PPP1R21: variants seen among roughly 807,000 people sequenced by gnomAD.
PPP1R21 encodes the protein protein phosphatase 1 regulatory subunit 21.
Under a neutral mutation model 112.8 loss-of-function variants are expected in PPP1R21, and 85 were observed. The ratio of observed to expected loss-of-function variants is 0.75; its 90% CI spans 0.63 to 0.90. PPP1R21 has a LOEUF of 0.90. PPP1R21 is among the 40% of genes least tolerant of loss of function. The pLI is 0.00. For synonymous variants in PPP1R21, 381 were observed against 322.3 expected (o/e 1.18, Z -1.95); for missense variants, 1,199 against 901.5 (o/e 1.33, Z -4.23).
In PPP1R21 at chr2:48,460,030, T is replaced by C. The variant is rs116872590; in HGVS notation, c.541-65T>C. 37 of 1,602,882 alleles carry C rather than the reference T, an allele frequency of 2.3e-5. No individual in the cohort carries two copies. In the East Asian group the frequency reaches 8.1e-4, roughly 35 times the overall value. ...GGTGAGACTTTTGCCTGCAGGGTCT[T>C]ACTAAGTGTGCTCCTATCTGTCGTA... is the stretch of plus-strand genomic sequence containing the variant. On this transcript the variant is annotated intron_variant, in intron 5 of 21. Transcript: ENST00000294952.
chr2:48,508,200 T>G (rs137976612), intron 19 of PPP1R21, among the ~76,000 whole-genome samples: 10 of 151,918 alleles, frequency 6.6e-5, no homozygotes, highest in African/African-American at 2.4e-4. Context: ...AAACAAATGG[T>G]AAGGTAGAAT....
Position 48,465,009 on chromosome 2 carries a change from T to C in PPP1R21, c.747+20T>C. The stretch of plus-strand genomic sequence containing the variant: ...CACCAGGTAAAGGATGAAGTACATG[T>C]TTTTATTTTCAGTTATATATACATC... On this transcript the variant is annotated intron_variant, in intron 8 of 21. Transcript: ENST00000294952. 2.6e-6 allele frequency: 4 copies of C among 1,552,988 alleles called. No homozygotes were observed. Among genetic ancestry groups the C allele is most frequent in the Non-Finnish European group, 3.5e-6 (4 of 1,157,554 alleles).
chr2:48,465,680 C>A (rs1004700996), intron 9 of PPP1R21, 38 bp downstream of exon 9: 4 of 1,579,570 alleles, frequency 2.5e-6, no homozygotes, highest in African/African-American at 1.4e-5. Context: ...TTGCCCTGAA[C>A]AAAATAGGGA....
In PPP1R21 at chr2:48,471,386, C is replaced by T. The variant is rs368622989; in HGVS notation, c.1088+19C>T. 6.3e-7 allele frequency: 1 copy of T among 1,588,230 alleles called. No individual in the cohort carries two copies. The highest frequency in any genetic ancestry group is 8.5e-7 in the Non-Finnish European group (1 of 1,170,942). On this transcript the variant is annotated intron_variant, in intron 11 of 21. Transcript: ENST00000294952. Reference sequence around the variant, plus strand: ...TAAAAAGGTAGTTACCCCCGGAGGCCAGGGAACTTGGGGAATTGTGGGTGT... The same window carrying T: ...TAAAAAGGTAGTTACCCCCGGAGGCTAGGGAACTTGGGGAATTGTGGGTGT...
intron 11 of PPP1R21, among the ~76,000 whole-genome samples, chr2:48,474,140 T>C (rs1243679717): frequency 6.6e-6 from 1 of 151,736 alleles, no homozygotes; most frequent in Admixed American, 6.6e-5. Flanking sequence ...CCCAGCACTT[T>C]GGGAAGCTGA....
chr2:48,491,751 A>G (rs1669574875), intron 15 of PPP1R21, among the ~76,000 whole-genome samples: 1 of 152,140 alleles, frequency 6.6e-6, no homozygotes, highest in Non-Finnish European at 1.5e-5. Flanking sequence ...ACTGTTTTAG[A>G]ATATTTTTTT....
intron 1 of PPP1R21, among the ~76,000 whole-genome samples, chr2:48,445,838 T>G (rs1395946418): frequency 6.6e-6 from 1 of 152,202 alleles, no homozygotes; most frequent in Non-Finnish European, 1.5e-5. Flanking sequence ...TGTCCTGGGA[T>G]AGCAACAAGT....
chr2:48,446,709 C>G (rs955424831), intron 1 of PPP1R21, among the ~76,000 whole-genome samples: 7 of 152,052 alleles, frequency 4.6e-5, no homozygotes, highest in African/African-American at 1.4e-4. Flanking sequence ...GTAGTCTTTA[C>G]CATGGAGAAC....
chr2:48,502,773 C>A (rs554787715), intron 17 of PPP1R21, among the ~76,000 whole-genome samples: 6 of 150,860 alleles, frequency 4.0e-5, no homozygotes, highest in Non-Finnish European at 5.9e-5. Context: ...CTCCGCTTCC[C>A]GGGTTCACGC....
At position 48,479,963 on chromosome 2, in the gene PPP1R21, C is replaced by T. The variant is rs201866798; in HGVS notation, c.1265C>T (p.Ser422Phe). 5 of 1,613,226 alleles carry T rather than the reference C, an allele frequency of 3.1e-6. No homozygotes were observed. In the African/African-American group the frequency reaches 6.7e-5, roughly 22 times the overall value. ...PDGLLRTNYS[S>F]VLTNVGAALH... ...GGACTCCTTCGGACAAACTACAGTTCTGTGTTAACAAATGTTGGTGCTGCT... is the reference window on the plus strand; with the variant it reads ...GGACTCCTTCGGACAAACTACAGTTTTGTGTTAACAAATGTTGGTGCTGCT... The change falls in exon 13 of 22, where the codon TCT becomes TTT. Residue 422 changes from serine to phenylalanine, a missense_variant. Physicochemically the swap from Ser to Phe is radical, Grantham distance 155 (BLOSUM62 -2). Coordinates refer to ENST00000294952, the MANE Select transcript of PPP1R21 (RefSeq NM_001135629.3).
At chr2:48,443,888 C>G (rs979916199) in intron 1 of PPP1R21, among the ~76,000 whole-genome samples, 8 of 152,180 alleles carry the variant, frequency 5.3e-5, no homozygotes, top group Non-Finnish European at 7.3e-5. Context: ...AAGGTGTCCT[C>G]TTAATCTGTA....
intron 19 of PPP1R21, among the ~76,000 whole-genome samples, chr2:48,509,594 A>T (rs1248691677): frequency 6.6e-6 from 1 of 151,806 alleles, no homozygotes; most frequent in Admixed American, 6.6e-5. Context: ...AATCCCAGCT[A>T]CTCGGGAAGC....
chr2:48,470,991 C>T, intron 9 of PPP1R21, 96 bp from the exon 10 acceptor site: 1 of 846,716 alleles, frequency 1.2e-6, no homozygotes, highest in Non-Finnish European at 1.9e-6. Context: ...ATCAGGTTTA[C>T]AATTTAGGTT....
chr2:48,513,209 C>CT (rs370261888), intron 21 of PPP1R21, among the ~76,000 whole-genome samples: 1,645 of 146,812 alleles, frequency 0.011, 25 homozygotes, highest in African/African-American at 0.037. Context: ...TTTCCTCTGA[C>CT]TTTTTTTTTT....
intron 2 of PPP1R21, among the ~76,000 whole-genome samples, chr2:48,452,004 C>T (rs149305181): frequency 6.6e-6 from 1 of 152,176 alleles, no homozygotes; most frequent in Non-Finnish European, 1.5e-5. Flanking sequence ...TGAGATGGTT[C>T]TGAACACCCC....
rs546723101 is a variant in PPP1R21, at chr2:48,482,132, G to A, written c.1318+2116G>A. The stretch of plus-strand genomic sequence containing the variant: ...TTCTTAATCTATTGGTTGATAGGTT[G>A]GTCTCAGTGTAAACAGAGGGATTTA... On this transcript the variant is annotated intron_variant, in intron 13 of 21. Coordinates refer to ENST00000294952, the MANE Select transcript of PPP1R21 (RefSeq NM_001135629.3). Among the ~76,000 whole-genome samples, 327 of 152,210 alleles carry A rather than the reference G, an allele frequency of 2.1e-3. 1 individual carries two copies. The highest frequency in any genetic ancestry group is 0.01 in the Middle Eastern group (3 of 294).
intron 13 of PPP1R21, among the ~76,000 whole-genome samples, chr2:48,483,852 T>C (rs1055950627): frequency 3.3e-5 from 5 of 152,110 alleles, no homozygotes; most frequent in Admixed American, 6.5e-5. Context: ...ATTTTTAATT[T>C]TTTAAATTTC....
chr2:48,498,436 G>T (rs1455371026), intron 16 of PPP1R21, 57 bp from the exon 17 acceptor site: 2 of 1,577,402 alleles, frequency 1.3e-6, no homozygotes, highest in African/African-American at 2.7e-5. Flanking sequence ...TAGTTTTTGG[G>T]CCACTAAGGT....
chr2:48,479,117 G>C (rs112072073), intron 12 of PPP1R21, among the ~76,000 whole-genome samples: 1 of 152,120 alleles, frequency 6.6e-6, no homozygotes, highest in Non-Finnish European at 1.5e-5. Flanking sequence ...GCAGCACCAC[G>C]CCCAAGGTAG....
Sources: allele counts gnomAD v4.1 joint callset (sites outside exome capture counted in the v4.1 genomes callset), GRCh38; gene constraint gnomAD v4.1.1; transcripts MANE v1.5; gene names NCBI Gene and HGNC (gene_info 2026-07-23, HGNC 2026-07-21).